Variants in RLF observed in about 807,000 individuals in gnomAD.
RLF encodes the protein zinc finger protein Rlf.
RLF carries 7 observed loss-of-function variants against 162.9 expected under a neutral mutation model. That is an observed-to-expected ratio of 0.04 (90% CI 0.02 to 0.08). The LOEUF (loss-of-function observed/expected upper bound fraction) is 0.08, where lower values mean the gene tolerates loss of function less well. Ranked by LOEUF, RLF falls within the 10% of genes least tolerant of loss-of-function variation. The probability of loss-of-function intolerance (pLI) is 1.00; values close to 1 mark genes in which losing one functional copy is unlikely to be tolerated. For synonymous variants in RLF, 782 were observed against 791.5 expected, an observed-to-expected ratio of 0.99 and a Z score of 0.20; for missense variants, 1,664 against 2,244.7, an observed-to-expected ratio of 0.74 and a Z score of 5.23.
At position 40,239,782 on chromosome 1, in the gene RLF, C is replaced by G. The variant is rs1643267759; in HGVS notation, c.5080C>G (p.Pro1694Ala). ...GTGTAATATAGTTCAGCCTCCTCCT[C>G]CTTGTAAAATAGAAAATTCCATACC... ...EQCNIVQPPP[P>A]CKIENSIPNP... The change falls in exon 8 of 8, where the codon CCT (proline) becomes GCT (alanine). Residue 1694 changes from proline (P) to alanine (A), a missense_variant. Coordinates refer to ENST00000372771, the MANE Select transcript of RLF (RefSeq NM_012421.4). 6.2e-7 allele frequency: 1 copy of G among 1,614,066 alleles called. No homozygotes were observed. Among genetic ancestry groups the G allele is most frequent in the Admixed American group, 1.7e-5 (1 of 60,002 alleles).
At chr1:40,224,621 AGCTTTTTTT>A (rs1557757501) in intron 6 of RLF, among the ~76,000 whole-genome samples, 2 of 35,200 alleles carry the variant, frequency 5.7e-5, no homozygotes, top group Admixed American at 3.5e-4. Context: ...TGTTTTTGAA[AGCTTTTTTT>A]TTTTTTTTTT....
At chr1:40,176,053 T>C (rs561137695) in intron 1 of RLF, among the ~76,000 whole-genome samples, 2 of 152,338 alleles carry the variant, frequency 1.3e-5, no homozygotes, top group South Asian at 2.1e-4. Context: ...TGTATAATTA[T>C]TGAAATTCAT....
At chr1:40,174,110 C>T (rs1008675843) in intron 1 of RLF, among the ~76,000 whole-genome samples, 36 of 152,158 alleles carry the variant, frequency 2.4e-4, no homozygotes, top group African/African-American at 6.0e-4. Flanking sequence ...CGATGGCTCA[C>T]GCCTGTAATC....
Position 40,180,299 on chromosome 1 carries a change from C to G in RLF, c.238-8756C>G, listed in dbSNP as rs151006120. On this transcript the variant is annotated intron_variant, in intron 1 of 7. Transcript: ENST00000372771. Reference sequence around the variant, plus strand: ...TTTGAGACAGGGTCTTGCTTTGTCACCCAGGCTGGAGTGCAGTCACATGAT... The same window carrying G: ...TTTGAGACAGGGTCTTGCTTTGTCAGCCAGGCTGGAGTGCAGTCACATGAT... 3.9e-4 allele frequency among the ~76,000 whole-genome samples: 60 copies of G among 152,220 alleles called. No individual in the cohort carries two copies. The East Asian group carries it at 0.011, about 28-fold the overall frequency.
intron 2 of RLF, among the ~76,000 whole-genome samples, chr1:40,190,037 C>T (rs963224638): frequency 2.0e-5 from 3 of 152,018 alleles, no homozygotes; most frequent in Admixed American, 1.3e-4. Context: ...TTCCTATTTT[C>T]CAGTGGCCCT....
intron 1 of RLF, chr1:40,178,075 G>A (rs1352790315): frequency 6.7e-6 from 1 of 150,050 alleles, no homozygotes; most frequent in Non-Finnish European, 1.5e-5. Context: ...TATATAGATA[G>A]GTATATAGAT....
intron 5 of RLF, among the ~76,000 whole-genome samples, chr1:40,219,363 G>T (rs1172006633): frequency 6.6e-6 from 1 of 152,076 alleles, no homozygotes; most frequent in Non-Finnish European, 1.5e-5. Context: ...GGGGATAAAA[G>T]TATAAAATAA....
At chr1:40,214,789 A>G (rs1044471129) in intron 5 of RLF, among the ~76,000 whole-genome samples, 11 of 151,458 alleles carry the variant, frequency 7.3e-5, no homozygotes, top group African/African-American at 2.7e-4. Context: ...TGGGTGTGGT[A>G]GTGTGCACCT....
intron 3 of RLF, among the ~76,000 whole-genome samples, chr1:40,191,550 A>C (rs1178083136): frequency 6.6e-6 from 1 of 151,642 alleles, no homozygotes; most frequent in Non-Finnish European, 1.5e-5. Context: ...AAAAAAAAAA[A>C]AAAGACATAA....
chr1:40,161,436 G>C lies in RLF; in HGVS notation c.37G>C (p.Gly13Arg), dbSNP rs770721596. The part of the protein sequence containing the change: ...DGKGDAAAVA[G>R]AGAEAPAVAG... Reference sequence around the variant, plus strand: ...AAAGGGAGACGCCGCCGCTGTCGCCGGGGCTGGGGCTGAGGCTCCGGCGGT... The same window carrying C: ...AAAGGGAGACGCCGCCGCTGTCGCCCGGGCTGGGGCTGAGGCTCCGGCGGT... Residue 13 changes from glycine to arginine, a missense_variant, in exon 1 of 8, where the codon GGG (glycine) becomes CGG (arginine). By Grantham distance (125) the Gly-to-Arg change is moderately radical (BLOSUM62 -2). This residue lies in a region of RLF where 134 missense variants were observed against 124.3 expected (regional missense o/e 1.08). Transcript: ENST00000372771. This position sits in a 1 kb window ranked among gnomAD's most constrained non-coding sequence, Gnocchi z 4.4. 7.3e-5 allele frequency: 114 copies of C among 1,558,292 alleles called. No individual in the cohort carries two copies. Among genetic ancestry groups the C allele is most frequent in the East Asian group, 1.9e-4 (8 of 41,542 alleles).
At chr1:40,220,388 C>T (rs1186987490) in intron 5 of RLF, among the ~76,000 whole-genome samples, 1 of 152,148 alleles carries the variant, frequency 6.6e-6, no homozygotes, top group Non-Finnish European at 1.5e-5. Context: ...TTTTTCTTGT[C>T]CTGGAGTATC....
chr1:40,235,409 C>T (rs1414861630), intron 7 of RLF, among the ~76,000 whole-genome samples: 2 of 152,132 alleles, frequency 1.3e-5, no homozygotes, highest in African/African-American at 4.8e-5. Context: ...CCTGTGTTTC[C>T]TGTTGCTGCC....
Position 40,179,788 on chromosome 1 carries a change from A to G in RLF, c.238-9267A>G, listed in dbSNP as rs557706269. Among the ~76,000 whole-genome samples, 54 of 152,166 alleles carry G rather than the reference A, an allele frequency of 3.5e-4. 1 individual carries two copies. The Middle Eastern group carries it at 0.024, about 67-fold the overall frequency. On this transcript the variant is annotated intron_variant, in intron 1 of 7. Coordinates refer to ENST00000372771, the MANE Select transcript of RLF (RefSeq NM_012421.4). ...TTCACCTTCTGGCAACCATCATTCTACTATCTGTCTCTATGAATTTGACTA... is the reference window on the plus strand; with the variant it reads ...TTCACCTTCTGGCAACCATCATTCTGCTATCTGTCTCTATGAATTTGACTA...
chr1:40,175,078 G>A (rs1435006343), intron 1 of RLF, among the ~76,000 whole-genome samples: 2 of 151,740 alleles, frequency 1.3e-5, no homozygotes, highest in Non-Finnish European at 1.5e-5. Context: ...TGGTGTCTTA[G>A]CTATTTGGGA....
Position 40,240,235 on chromosome 1 carries a change from C to T in RLF, c.5533C>T (p.Pro1845Ser). ...TIHENLTAIPPLIVAETTTVP... is the reference protein window; with the variant it reads ...TIHENLTAIPSLIVAETTTVP... ...TCATGAGAACCTGACTGCAATCCCA[C>T]CTTTAATAGTAGCTGAAACAACAAC... is the stretch of plus-strand genomic sequence containing the variant. The change falls in exon 8 of 8, where the codon CCT (proline) becomes TCT (serine). Residue 1845 changes from proline (P) to serine (S), a missense_variant. Physicochemically the swap from Pro to Ser is moderately conservative, Grantham distance 74 (BLOSUM62 -1). Transcript: ENST00000372771. 1 of 1,614,164 alleles carries T rather than the reference C, an allele frequency of 6.2e-7. No homozygotes were observed. The highest frequency in any genetic ancestry group is 2.2e-5 in the East Asian group (1 of 44,878).
intron 5 of RLF, among the ~76,000 whole-genome samples, chr1:40,209,877 TAAAAA>T (rs76437844): frequency 7.7e-6 from 1 of 130,616 alleles, no homozygotes; most frequent in Non-Finnish European, 1.7e-5. Flanking sequence ...GACTCCGTCT[TAAAAA>T]AAAAAAAAAA....
Position 40,197,229 on chromosome 1 carries a change from GA to G in RLF, c.607+1474del, listed in dbSNP as rs901890125. On this transcript the variant is annotated intron_variant, in intron 4 of 7. Coordinates refer to ENST00000372771, the MANE Select transcript of RLF (RefSeq NM_012421.4). ...TAGTGCTTACCAGTTGCACTGACAA[GA>G]AAAAAAAAGAATAAGGAAAAGTGCT... Among the ~76,000 whole-genome samples, 91 of 150,650 alleles carry G rather than the reference GA, an allele frequency of 6.0e-4. 1 individual carries two copies. Among genetic ancestry groups the G allele is most frequent in the Non-Finnish European group, 1.2e-3 (78 of 67,560 alleles).
At chr1:40,211,407 A>G (rs1170542832) in intron 5 of RLF, among the ~76,000 whole-genome samples, 1 of 152,210 alleles carries the variant, frequency 6.6e-6, no homozygotes, top group Non-Finnish European at 1.5e-5. Flanking sequence ...TGTGTTAGAC[A>G]TTGATAAGCC....
At chr1:40,178,685 G>GT (rs1642365339) in intron 1 of RLF, among the ~76,000 whole-genome samples, 3 of 26,712 alleles carry the variant, frequency 1.1e-4, no homozygotes, top group South Asian at 9.1e-4. Context: ...TTTTTGTTTT[G>GT]TGTTTTTTTT....
Sources: allele counts gnomAD v4.1 joint callset (sites outside exome capture counted in the v4.1 genomes callset), GRCh38; gene constraint gnomAD v4.1.1; regional missense constraint gnomAD v4.1.1; non-coding constraint Gnocchi (gnomAD v3.1); transcripts MANE v1.5; gene names NCBI Gene and HGNC (gene_info 2026-07-23, HGNC 2026-07-21).